Variants in CLEC16A observed in about 807,000 individuals in gnomAD.
CLEC16A encodes C-type lectin domain containing 16A, also known as protein CLEC16A.
A neutral mutation model predicts 109.5 loss-of-function variants in CLEC16A; 51 were observed. The ratio of observed to expected loss-of-function variants is 0.47; its 90% CI spans 0.37 to 0.59. CLEC16A has a LOEUF of 0.59. Ranked by LOEUF, CLEC16A falls within the 20% of genes least tolerant of loss-of-function variation. The pLI is 0.00. For synonymous variants in CLEC16A, 673 were observed against 564.2 expected, an observed-to-expected ratio of 1.19 and a Z score of -2.73; for missense variants, 1,339 against 1,394.0, an observed-to-expected ratio of 0.96 and a Z score of 0.63.
chr16:10,970,202 G>A (rs933280995), intron 4 of CLEC16A, among the ~76,000 whole-genome samples: 3 of 152,126 alleles, frequency 2.0e-5, no homozygotes, highest in Non-Finnish European at 4.4e-5. Flanking sequence ...CTATACAGCT[G>A]GCATCCATCC....
At position 11,180,719 on chromosome 16, in the gene CLEC16A, C is replaced by G. The variant is rs2068929737; in HGVS notation, c.*2029C>G. ...AGAGAAGGCAAGTGGCTGCCCCACC[C>G]CAAGGCGTGACCAGGAGGAACAGCC... On this transcript the variant is annotated 3_prime_UTR_variant, in exon 24 of 24. Transcript: ENST00000409790. 6.6e-6 allele frequency: 1 copy of G among 152,226 alleles called. No homozygotes were observed. Among genetic ancestry groups the G allele is most frequent in the Non-Finnish European group, 1.5e-5 (1 of 68,062 alleles). 9.4% of individuals were successfully genotyped at this position (152,226 alleles called of 1,614,324 possible).
intron 7 of CLEC16A, 91 bp from the exon 8 acceptor site, chr16:10,977,134 C>A: frequency 8.4e-7 from 1 of 1,197,060 alleles, no homozygotes; most frequent in Non-Finnish European, 1.2e-6. Context: ...TGTGGATGAA[C>A]TCACAGTGAC....
intron 19 of CLEC16A, among the ~76,000 whole-genome samples, chr16:11,063,478 T>C (rs1276265136): frequency 6.6e-6 from 1 of 152,000 alleles, no homozygotes; most frequent in African/African-American, 2.4e-5. Flanking sequence ...CCTGATGAAC[T>C]TGAGAAAGCT....
rs199886261 is a variant in CLEC16A at position 11,042,209 on chromosome 16, C to T, written c.1661-45C>T. ...TAGGCAGCAGTCTTGGGTTTAAGGG[C>T]GCCCCACCCTGGGTGTGCAAGGCTT... On this transcript the variant is annotated intron_variant, in intron 14 of 23. Coordinates refer to ENST00000409790, the MANE Select transcript of CLEC16A (RefSeq NM_015226.3). The T allele has an allele frequency of 3.9e-4, 563 of 1,456,262 alleles. 1 individual carries two copies. The highest frequency in any genetic ancestry group is 5.0e-4 in the Non-Finnish European group (529 of 1,062,616). 90.2% of individuals were successfully genotyped at this position (1,456,262 alleles called of 1,614,324 possible).
chr16:11,006,123 C>G (rs1433140404), intron 11 of CLEC16A, among the ~76,000 whole-genome samples: 1 of 152,142 alleles, frequency 6.6e-6, no homozygotes, highest in Non-Finnish European at 1.5e-5. Flanking sequence ...CCCAGCTTGG[C>G]CAGCAAGTGG....
At chr16:11,006,537 C>G (rs897671059) in intron 11 of CLEC16A, among the ~76,000 whole-genome samples, 2 of 152,102 alleles carry the variant, frequency 1.3e-5, no homozygotes, top group East Asian at 3.8e-4. Context: ...CATGGTGACT[C>G]TTAAGGAAAG....
At chr16:11,107,319 C>G (rs1360840829) in intron 19 of CLEC16A, among the ~76,000 whole-genome samples, 1 of 152,090 alleles carries the variant, frequency 6.6e-6, no homozygotes, top group Non-Finnish European at 1.5e-5. Context: ...AAGACCCACT[C>G]TCTGTCCAGG....
intron 19 of CLEC16A, among the ~76,000 whole-genome samples, chr16:11,100,634 C>G (rs963877036): frequency 6.6e-6 from 1 of 152,206 alleles, no homozygotes; most frequent in Non-Finnish European, 1.5e-5. Context: ...AGCACAACCT[C>G]AAGTCAGTTA....
Position 11,174,627 on chromosome 16 carries a change from T to G in CLEC16A, c.2807-3708T>G, listed in dbSNP as rs915844671. Among the ~76,000 whole-genome samples the G allele has an allele frequency of 6.6e-6, 1 of 152,190 alleles. No homozygotes were observed. On this transcript the variant is annotated intron_variant, in intron 23 of 23. Transcript: ENST00000409790. This position sits in a 1 kb window ranked among gnomAD's most constrained non-coding sequence, Gnocchi z 4.7. ...GCCAGAAGCAGATGCTCCTGCCAAG[T>G]CCCCCAGGGGTCCCCCCAGTTTAGG...
intron 10 of CLEC16A, among the ~76,000 whole-genome samples, chr16:10,987,709 T>C (rs2043758960): frequency 6.6e-6 from 1 of 152,222 alleles, no homozygotes; most frequent in Non-Finnish European, 1.5e-5. Flanking sequence ...TGTTTGATAA[T>C]AGTCCTGGTA....
At chr16:11,057,133 C>G (rs2048251926) in intron 18 of CLEC16A, 1 of 155,818 alleles carries the variant, frequency 6.4e-6, no homozygotes, top group Non-Finnish European at 1.5e-5. Flanking sequence ...GTGTTTTTTT[C>G]ATGACCCTCT....
At chr16:11,014,474 C>G (rs2045621616) in intron 11 of CLEC16A, among the ~76,000 whole-genome samples, 1 of 152,066 alleles carries the variant, frequency 6.6e-6, no homozygotes, top group African/African-American at 2.4e-5. Flanking sequence ...AAGTGGGCTG[C>G]TAGGTTGTAG....
intron 1 of CLEC16A, among the ~76,000 whole-genome samples, chr16:10,956,582 A>G (rs1268358180): frequency 1.3e-5 from 2 of 152,188 alleles, no homozygotes; most frequent in Non-Finnish European, 2.9e-5. Context: ...TGGAGAAGCC[A>G]TCTTAAAAGC....
intron 11 of CLEC16A, among the ~76,000 whole-genome samples, chr16:11,006,206 A>T (rs1218300197): frequency 6.6e-6 from 1 of 152,094 alleles, no homozygotes; most frequent in East Asian, 1.9e-4. Context: ...TGTGGGCCTG[A>T]CTTGGGTCCT....
At chr16:11,056,248 C>T (rs538049345) in intron 18 of CLEC16A, among the ~76,000 whole-genome samples, 2 of 152,280 alleles carry the variant, frequency 1.3e-5, no homozygotes, top group East Asian at 1.9e-4. Flanking sequence ...TGAGCTTGAG[C>T]GAGCCACTCA....
intron 19 of CLEC16A, among the ~76,000 whole-genome samples, chr16:11,087,212 C>G (rs1204810444): frequency 1.3e-5 from 2 of 152,106 alleles, no homozygotes; most frequent in Non-Finnish European, 2.9e-5. Context: ...TGTCCCCACC[C>G]CCATCCCCCA....
At chr16:11,113,248 C>G (rs570822185) in intron 19 of CLEC16A, among the ~76,000 whole-genome samples, 18 of 152,386 alleles carry the variant, frequency 1.2e-4, no homozygotes, top group Admixed American at 5.9e-4. Flanking sequence ...TGCTGCTCCC[C>G]AACCCTGGCT....
At chr16:11,036,332 G>T (rs1025738933) in intron 13 of CLEC16A, among the ~76,000 whole-genome samples, 1 of 151,352 alleles carries the variant, frequency 6.6e-6, no homozygotes, top group Non-Finnish European at 1.5e-5. Context: ...CTCTGGGTCT[G>T]CTCCACTCCC....
intron 19 of CLEC16A, among the ~76,000 whole-genome samples, chr16:11,117,168 T>G (rs1079186): frequency 0.54 from 82,781 of 152,074 alleles, 23,337 homozygotes; most frequent in African/African-American, 0.7. Context: ...AGACACTGTG[T>G]ACTGCCAAAG....
Sources: gnomAD v4.1 joint callset for allele counts (sites outside exome capture counted in the v4.1 genomes callset) on GRCh38, gnomAD v4.1.1 for gene constraint, Gnocchi (gnomAD v3.1) non-coding constraint, MANE v1.5 for transcripts, NCBI Gene and HGNC (gene_info 2026-07-23, HGNC 2026-07-21) for gene names.